The following COL22A1 variants were observed in gnomAD, a reference collection of about 807,000 sequenced individuals.
The protein encoded by COL22A1 is collagen type XXII alpha 1 chain.
COL22A1 carries 221 observed loss-of-function variants against 248.9 expected under a neutral mutation model. The ratio of observed to expected loss-of-function variants is 0.89; its 90% CI spans 0.80 to 0.99. The LOEUF (loss-of-function observed/expected upper bound fraction) is 0.99, where lower values mean the gene tolerates loss of function less well. Ranked by LOEUF, COL22A1 falls within the 50% of genes least tolerant of loss-of-function variation. The probability of loss-of-function intolerance (pLI) is 0.00; values close to 1 mark genes in which losing one functional copy is unlikely to be tolerated. For synonymous variants in COL22A1, 891 were observed against 793.4 expected (o/e 1.12, Z -2.07); for missense variants, 2,240 against 2,179.0 (o/e 1.03, Z -0.56).
chr8:138,793,485 G>C (rs1476976046), intron 12 of COL22A1, among the ~76,000 whole-genome samples: 1 of 152,224 alleles, frequency 6.6e-6, no homozygotes, highest in African/African-American at 2.4e-5. Context: ...CAGAGTCCCA[G>C]AGAGGGAAGT....
chr8:138,892,275 G>T (rs1825121083), intron 1 of COL22A1, among the ~76,000 whole-genome samples: 1 of 152,208 alleles, frequency 6.6e-6, no homozygotes, highest in African/African-American at 2.4e-5. Flanking sequence ...GGAAGCCCTG[G>T]TATGGAATCC....
intron 1 of COL22A1, among the ~76,000 whole-genome samples, chr8:138,906,011 G>A (rs1814976717): frequency 6.6e-6 from 1 of 152,112 alleles, no homozygotes; most frequent in Non-Finnish European, 1.5e-5. Flanking sequence ...GGCAGGGAGT[G>A]TTCCACTATA....
intron 51 of COL22A1, among the ~76,000 whole-genome samples, chr8:138,624,315 C>A (rs1820073876): frequency 1.3e-5 from 2 of 152,114 alleles, no homozygotes; most frequent in Admixed American, 1.3e-4. Context: ...CATTTCTGTC[C>A]TTGAAGTGGA....
intron 3 of COL22A1, among the ~76,000 whole-genome samples, chr8:138,876,066 C>A (rs1340178154): frequency 2.0e-5 from 3 of 152,238 alleles, no homozygotes; most frequent in Admixed American, 2.0e-4. Flanking sequence ...CCATGTCATA[C>A]CCCCGCATAA....
intron 3 of COL22A1, among the ~76,000 whole-genome samples, chr8:138,876,590 G>A (rs570398431): frequency 6.6e-6 from 1 of 152,344 alleles, no homozygotes; most frequent in East Asian, 1.9e-4. Context: ...TCATACTGTG[G>A]TAAAGCAGCC....
chr8:138,770,473 T>C (rs7836442), intron 16 of COL22A1, among the ~76,000 whole-genome samples: 74,520 of 152,100 alleles, frequency 0.49, 19,317 homozygotes, highest in African/African-American at 0.65. Context: ...GCCGTCTCCC[T>C]GCTTTACAGG....
chr8:138,725,041 T>C (rs954190183), intron 24 of COL22A1, among the ~76,000 whole-genome samples: 12 of 152,184 alleles, frequency 7.9e-5, no homozygotes, highest in African/African-American at 2.9e-4. Flanking sequence ...GGGGAAATGT[T>C]AGCAAATGCT....
intron 1 of COL22A1, 49 bp from the exon 2 acceptor site, chr8:138,883,293 G>T: frequency 9.8e-7 from 1 of 1,025,074 alleles, no homozygotes. Context: ...CTGAAAGTCT[G>T]TGAGAGGCAA....
chr8:138,647,480 A>C (rs908055229), intron 46 of COL22A1, among the ~76,000 whole-genome samples: 1 of 152,232 alleles, frequency 6.6e-6, no homozygotes, highest in African/African-American at 2.4e-5. Context: ...CTGCACTAAG[A>C]AATAGAGTCT....
intron 22 of COL22A1, among the ~76,000 whole-genome samples, chr8:138,740,773 G>T (rs928723511): frequency 1.3e-5 from 2 of 152,160 alleles, no homozygotes; most frequent in Non-Finnish European, 2.9e-5. Context: ...GTCAGAGCAG[G>T]TCTTTCATGG....
chr8:138,777,982 A>G (rs1275613192), intron 15 of COL22A1: 1 of 343,770 alleles, frequency 2.9e-6, no homozygotes, highest in Non-Finnish European at 5.5e-6. Flanking sequence ...CCAGGGGCTA[A>G]GAATTCAGTA....
chr8:138,644,945 C>G (rs1279608777), intron 47 of COL22A1, among the ~76,000 whole-genome samples: 2 of 152,150 alleles, frequency 1.3e-5, no homozygotes, highest in East Asian at 3.9e-4. Flanking sequence ...CTTTCCAAGT[C>G]TGTGGACCTG....
Position 138,694,822 on chromosome 8 carries a change from T to C in COL22A1, c.2646+4A>G. ...TGCGGGGGAAGGGGACACAAGAGAC[T>C]CACCGGTTCCCCAGGCAGGCCTGGA... On this transcript the variant is annotated splice_donor_region_variant and intron_variant, in intron 33 of 64. Transcript: ENST00000303045. 1 of 1,613,898 alleles carries C rather than the reference T, an allele frequency of 6.2e-7. No individual in the cohort carries two copies. The highest frequency in any genetic ancestry group is 8.5e-7 in the Non-Finnish European group (1 of 1,179,890).
In COL22A1 at chr8:138,663,353, T is replaced by C. The variant is rs1824160716; in HGVS notation, c.3186+352A>G. On this transcript the variant is annotated intron_variant, in intron 42 of 64. Transcript: ENST00000303045. Reference sequence around the variant, plus strand: ...AAGAGCAATCCCCATGTTGGCTCACTGCTGTGTGGTTGGGATTGGTGAAAC... The same window carrying C: ...AAGAGCAATCCCCATGTTGGCTCACCGCTGTGTGGTTGGGATTGGTGAAAC... Among the ~76,000 whole-genome samples the C allele has an allele frequency of 2.6e-5, 4 of 152,216 alleles. No homozygotes were observed. In the South Asian group the frequency reaches 8.3e-4, roughly 32 times the overall value.
intron 52 of COL22A1, chr8:138,620,163 G>C (rs530903730): frequency 6.6e-6 from 1 of 152,294 alleles, no homozygotes; most frequent in Non-Finnish European, 1.5e-5. Flanking sequence ...ACAATAAGAG[G>C]CTTGCCAACT....
At chr8:138,882,311 C>T (rs1824271168) in intron 2 of COL22A1, among the ~76,000 whole-genome samples, 1 of 150,378 alleles carries the variant, frequency 6.6e-6, no homozygotes, top group Non-Finnish European at 1.5e-5. Flanking sequence ...CATTGCCACA[C>T]ATATTCACAC....
chr8:138,751,533 A>G (rs777190829), intron 21 of COL22A1, 22 bp from the exon 22 acceptor site: 1 of 1,575,752 alleles, frequency 6.3e-7, no homozygotes, highest in South Asian at 1.1e-5. Context: ...AGAAAAAGGA[A>G]AAAGAGAGAG....
At chr8:138,764,322 G>T (rs1833751476) in intron 16 of COL22A1, among the ~76,000 whole-genome samples, 1 of 152,354 alleles carries the variant, frequency 6.6e-6, no homozygotes. Flanking sequence ...GGGCTTGCTG[G>T]CTACCTGCGG....
chr8:138,666,965 A>G (rs1320721394), intron 41 of COL22A1, among the ~76,000 whole-genome samples: 1 of 152,206 alleles, frequency 6.6e-6, no homozygotes, highest in African/African-American at 2.4e-5. Context: ...TTGTAATACA[A>G]ATCTAGAGTA....
Sources: allele counts gnomAD v4.1 joint callset (sites outside exome capture counted in the v4.1 genomes callset), GRCh38; gene constraint gnomAD v4.1.1; transcripts MANE v1.5; gene names NCBI Gene and HGNC (gene_info 2026-07-23, HGNC 2026-07-21).